The following PACRG variants were observed in gnomAD, a reference collection of about 807,000 sequenced individuals.
PACRG encodes the protein parkin coregulated.
In PACRG, 29 loss-of-function variants were observed where a neutral mutation model predicts 29.7. That is an observed-to-expected ratio of 0.98 (90% CI 0.73 to 1.33). The LOEUF (loss-of-function observed/expected upper bound fraction) is 1.33. Among genes scored for constraint, PACRG ranks in the 40% most tolerant of loss-of-function variants. The pLI is 0.00. For synonymous variants in PACRG, 116 were observed against 118.7 expected, an observed-to-expected ratio of 0.98 and a Z score of 0.15; for missense variants, 279 against 316.2, an observed-to-expected ratio of 0.88 and a Z score of 0.89.
At chr6:163,239,778 A>C (rs73028015) in intron 4 of PACRG, among the ~76,000 whole-genome samples, 19,648 of 123,934 alleles carry the variant, frequency 0.16, 1,645 homozygotes, top group South Asian at 0.28. Flanking sequence ...CTCCACCCCC[A>C]CACACACACA....
At chr6:163,099,270 C>A (rs1315106565) in intron 4 of PACRG, among the ~76,000 whole-genome samples, 1 of 152,178 alleles carries the variant, frequency 6.6e-6, no homozygotes. Flanking sequence ...TAGCTGGGAA[C>A]TGGCACATTT....
chr6:163,066,837 AGTC>A (rs1269394056), intron 3 of PACRG, among the ~76,000 whole-genome samples: 1 of 152,236 alleles, frequency 6.6e-6, no homozygotes, highest in African/African-American at 2.4e-5. Context: ...AAAAAGCAGA[AGTC>A]GTGATTTTAA....
chr6:163,235,148 ATCG>A (rs1782185776), intron 4 of PACRG, among the ~76,000 whole-genome samples: 2 of 152,132 alleles, frequency 1.3e-5, no homozygotes, highest in Admixed American at 1.3e-4. Flanking sequence ...CACCTCTTCC[ATCG>A]TAAGCCGGCT....
intron 2 of PACRG, among the ~76,000 whole-genome samples, chr6:162,875,989 C>T (rs939902021): frequency 6.6e-6 from 1 of 152,172 alleles, no homozygotes; most frequent in East Asian, 1.9e-4. Flanking sequence ...AATGTTTATA[C>T]ATTTCCTTCC....
chr6:163,131,045 A>C (rs960336217), intron 4 of PACRG, among the ~76,000 whole-genome samples: 6 of 152,120 alleles, frequency 3.9e-5, no homozygotes, highest in Admixed American at 3.9e-4. Flanking sequence ...CAGTGGCTCA[A>C]GCCTGTAATC....
intron 4 of PACRG, among the ~76,000 whole-genome samples, chr6:163,281,661 A>G (rs1784230843): frequency 6.6e-6 from 1 of 152,216 alleles, no homozygotes; most frequent in African/African-American, 2.4e-5. Flanking sequence ...CATTATGAAG[A>G]CAAAATTTAA....
chr6:162,882,409 G>C (rs1369884154), intron 2 of PACRG, among the ~76,000 whole-genome samples: 3 of 152,008 alleles, frequency 2.0e-5, no homozygotes, highest in African/African-American at 7.3e-5. Flanking sequence ...TGACCCAAGG[G>C]TGCTCTCCAC....
chr6:163,086,069 G>A (rs977634643), intron 3 of PACRG, among the ~76,000 whole-genome samples: 4 of 152,202 alleles, frequency 2.6e-5, no homozygotes, highest in African/African-American at 4.8e-5. Context: ...GCACATATCT[G>A]TGCAGTCCTG....
intron 4 of PACRG, among the ~76,000 whole-genome samples, chr6:163,131,526 G>T (rs932334349): frequency 1.3e-5 from 2 of 152,126 alleles, no homozygotes; most frequent in Non-Finnish European, 2.9e-5. Flanking sequence ...TCTTAAAGCC[G>T]TCAGAAAGGG....
intron 2 of PACRG, among the ~76,000 whole-genome samples, chr6:163,027,306 CT>C (rs939528092): frequency 6.6e-6 from 1 of 152,094 alleles, no homozygotes; most frequent in African/African-American, 2.4e-5. Flanking sequence ...ATTTTTTCAT[CT>C]TTTAATACTG....
intron 4 of PACRG, among the ~76,000 whole-genome samples, chr6:163,141,302 A>G (rs1817141103): frequency 6.6e-6 from 1 of 152,250 alleles, no homozygotes; most frequent in African/African-American, 2.4e-5. Flanking sequence ...CTTAACTCTA[A>G]GTAAAATTAC....
intron 2 of PACRG, among the ~76,000 whole-genome samples, chr6:163,033,420 T>A (rs1044271530): frequency 6.6e-6 from 1 of 152,224 alleles, no homozygotes; most frequent in Non-Finnish European, 1.5e-5. Context: ...CTTAAAGCAT[T>A]TAGTAAACTT....
chr6:163,127,608 T>G (rs1356601018), intron 4 of PACRG, among the ~76,000 whole-genome samples: 1 of 152,248 alleles, frequency 6.6e-6, no homozygotes, highest in Non-Finnish European at 1.5e-5. Flanking sequence ...TTCCCCTTCC[T>G]GGGCTATAGA....
chr6:163,079,947 G>A (rs1185200329), intron 3 of PACRG, among the ~76,000 whole-genome samples: 1 of 138,880 alleles, frequency 7.2e-6, no homozygotes, highest in Non-Finnish European at 1.5e-5. Context: ...GCCCAGGCTG[G>A]AGTGCAGTGG....
chr6:163,313,318 T>C (rs1232299176), intron 4 of PACRG, among the ~76,000 whole-genome samples: 7 of 152,032 alleles, frequency 4.6e-5, no homozygotes, highest in South Asian at 4.1e-4. Flanking sequence ...TCTTTTTTTT[T>C]CTGAAAATTA....
intron 4 of PACRG, among the ~76,000 whole-genome samples, chr6:163,271,902 A>G (rs1036219063): frequency 6.6e-6 from 1 of 152,230 alleles, no homozygotes; most frequent in Admixed American, 6.5e-5. Flanking sequence ...CTGATCCCAG[A>G]ACATGATGTG....
intron 3 of PACRG, among the ~76,000 whole-genome samples, chr6:163,065,783 A>G (rs1811487433): frequency 6.6e-6 from 1 of 152,236 alleles, no homozygotes; most frequent in East Asian, 1.9e-4. Flanking sequence ...TTTGAACAGG[A>G]CAAGGCAAAC....
chr6:162,861,576 T>C (rs1791865164), intron 2 of PACRG, among the ~76,000 whole-genome samples: 1 of 152,146 alleles, frequency 6.6e-6, no homozygotes, highest in African/African-American at 2.4e-5. Context: ...ACTGAGACCC[T>C]GAGTGAAGTC....
At chr6:163,174,513 A>G (rs1481682007) in intron 4 of PACRG, among the ~76,000 whole-genome samples, 2 of 152,222 alleles carry the variant, frequency 1.3e-5, no homozygotes, top group East Asian at 3.9e-4. Flanking sequence ...TCATAGTGCA[A>G]GAAAGTGCCT....
Sources: allele counts gnomAD v4.1 joint callset (sites outside exome capture counted in the v4.1 genomes callset), GRCh38; gene constraint gnomAD v4.1.1; transcripts MANE v1.5; gene names NCBI Gene and HGNC (gene_info 2026-07-23, HGNC 2026-07-21).